STX3: variants seen among roughly 807,000 people sequenced by gnomAD.
STX3 encodes the protein syntaxin 3, also known as syntaxin-3.
Under a neutral mutation model 40.2 loss-of-function variants are expected in STX3, and 19 were observed. The observed-to-expected ratio is 0.47, with a 90% CI of 0.33 to 0.69. The LOEUF (loss-of-function observed/expected upper bound fraction) is 0.69, where lower values mean the gene tolerates loss of function less well. Among genes scored for constraint, STX3 ranks in the 30% least tolerant of loss-of-function variants. The probability of loss-of-function intolerance (pLI) is 0.02; values close to 1 mark genes in which losing one functional copy is unlikely to be tolerated. For synonymous variants in STX3, 122 were observed against 132.2 expected (o/e 0.92, Z 0.53); for missense variants, 364 against 366.7 (o/e 0.99, Z 0.06).
intron 1 of STX3, among the ~76,000 whole-genome samples, chr11:59,772,974 AACACACACACAC>A (rs3035302): frequency 5.7e-5 from 8 of 140,588 alleles, no homozygotes; most frequent in African/African-American, 2.6e-5. Flanking sequence ...CCCTGAAAGA[AACACACACACAC>A]ACACACACAC....
intron 2 of STX3, among the ~76,000 whole-genome samples, chr11:59,779,659 A>AGTGT (rs2134960470): frequency 6.6e-6 from 1 of 152,312 alleles, no homozygotes; most frequent in Admixed American, 6.5e-5. Context: ...GATGAATATC[A>AGTGT]AGTAGTCTAA....
chr11:59,798,356 T>C (rs2135041071), intron 10 of STX3, among the ~76,000 whole-genome samples: 2 of 151,642 alleles, frequency 1.3e-5, no homozygotes. Flanking sequence ...TACAGGCACA[T>C]GCCACAGCGC....
intron 2 of STX3, among the ~76,000 whole-genome samples, chr11:59,783,690 G>A (rs1864568884): frequency 6.6e-6 from 1 of 152,010 alleles, no homozygotes; most frequent in Admixed American, 6.6e-5. Context: ...TGCACAAAAG[G>A]AAACCACATG....
intron 1 of STX3, among the ~76,000 whole-genome samples, chr11:59,757,884 T>C (rs1590739847): frequency 1.3e-5 from 2 of 152,322 alleles, no homozygotes; most frequent in South Asian, 4.1e-4. Flanking sequence ...TCACCTCCTC[T>C]TATCCCCTCT....
chr11:59,767,450 G>T (rs1403372659), intron 1 of STX3, among the ~76,000 whole-genome samples: 3 of 152,190 alleles, frequency 2.0e-5, no homozygotes, highest in Non-Finnish European at 4.4e-5. Flanking sequence ...GTGGGCTGAA[G>T]ATAAGGGCAT....
At chr11:59,767,391 A>G (rs1863334436) in intron 1 of STX3, among the ~76,000 whole-genome samples, 1 of 152,168 alleles carries the variant, frequency 6.6e-6, no homozygotes. Context: ...AGATATGTTG[A>G]TTCTTTGATA....
At chr11:59,761,693 A>G (rs1449617965) in intron 1 of STX3, among the ~76,000 whole-genome samples, 1 of 152,036 alleles carries the variant, frequency 6.6e-6, no homozygotes, top group African/African-American at 2.4e-5. Context: ...TTCCATGGCA[A>G]CTTTCCCCAG....
intron 2 of STX3, among the ~76,000 whole-genome samples, chr11:59,782,998 C>CAA (rs111284922): frequency 4.0e-4 from 56 of 138,832 alleles, no homozygotes; most frequent in African/African-American, 1.3e-3. Context: ...GGCTTTGTCT[C>CAA]AAAAAAAAAA....
In STX3 at chr11:59,803,682, T is replaced by G. The variant is rs888022165; in HGVS notation, c.*2858T>G. Among the ~76,000 whole-genome samples, 1 of 152,150 alleles carries G rather than the reference T, an allele frequency of 6.6e-6. No individual in the cohort carries two copies. Among genetic ancestry groups the G allele is most frequent in the Non-Finnish European group, 1.5e-5 (1 of 68,030 alleles). On this transcript the variant is annotated 3_prime_UTR_variant, in exon 11 of 11. Coordinates refer to ENST00000337979, the MANE Select transcript of STX3 (RefSeq NM_004177.5). ...GAAGAGGGCCGGCCACACAGTAAAT[T>G]CAAATTAAATTTCTTCCCTTTCAAG...
At chr11:59,771,403 T>TCCCCCC (rs1367914976) in intron 1 of STX3, among the ~76,000 whole-genome samples, 1 of 34,698 alleles carries the variant, frequency 2.9e-5, no homozygotes. Flanking sequence ...TCCCCCCACC[T>TCCCCCC]CCCCCCCCCC....
chr11:59,797,674 C>T (rs1322854756), intron 10 of STX3, among the ~76,000 whole-genome samples: 1 of 152,188 alleles, frequency 6.6e-6, no homozygotes, highest in African/African-American at 2.4e-5. Flanking sequence ...CCTGAGCACC[C>T]CAGGTGACTC....
chr11:59,759,895 G>A (rs1002511347), intron 1 of STX3, among the ~76,000 whole-genome samples: 5 of 152,136 alleles, frequency 3.3e-5, no homozygotes, highest in East Asian at 3.8e-4. Context: ...TTATCGAGCC[G>A]CTTTTATGTG....
At position 59,790,559 on chromosome 11, in the gene STX3, G is replaced by A. The variant is rs775852415; in HGVS notation, c.330G>A (p.Ser110=). 1.2e-5 allele frequency: 19 copies of A among 1,613,940 alleles called. No homozygotes were observed. The highest frequency in any genetic ancestry group is 1.6e-4 in the Middle Eastern group (1 of 6,084). Residue 110 remains serine, a synonymous_variant, in exon 5 of 11, where the codon TCG becomes TCA. Transcript: ENST00000337979. ...TTGAAGAAGATGAGGTCAGGTCATC[G>A]GCAGACCTTCGGATTCGGAAATCCC... ...KHIEEDEVRS[S]ADLRIRKSQH... is the part of the protein sequence containing the mutation.
intron 2 of STX3, among the ~76,000 whole-genome samples, chr11:59,779,265 T>G (rs187925165): frequency 1.1e-4 from 17 of 152,364 alleles, no homozygotes; most frequent in African/African-American, 3.1e-4. Context: ...AGACCAGGAT[T>G]CCAGCATGAT....
Position 59,802,287 on chromosome 11 carries a change from C to G in STX3, c.*1463C>G. The G allele has an allele frequency of 1.0e-6, 1 of 985,440 alleles. No individual in the cohort carries two copies. The highest frequency in any genetic ancestry group is 1.2e-6 in the Non-Finnish European group (1 of 829,942). 61.0% of individuals were successfully genotyped at this position (985,440 alleles called of 1,614,324 possible). A position where few individuals can be genotyped will look rare whatever the true frequency, so the allele number is the denominator to read the frequency against. ...CTTCAAGTGTAGTGTCTGTGCTAAC[C>G]CAGTGGTAAATCCCTTAGATCCCCT... is the stretch of plus-strand genomic sequence containing the variant. On this transcript the variant is annotated 3_prime_UTR_variant, in exon 11 of 11. Coordinates refer to ENST00000337979, the MANE Select transcript of STX3 (RefSeq NM_004177.5).
intron 4 of STX3, 175 bp downstream of exon 4, chr11:59,789,122 C>A: frequency 1.8e-6 from 1 of 542,460 alleles, no homozygotes; most frequent in Non-Finnish European, 3.3e-6. Flanking sequence ...CAGAAATTTA[C>A]CTTTTCTTAA....
chr11:59,798,701 G>T (rs1157822577), intron 10 of STX3, among the ~76,000 whole-genome samples: 2 of 151,496 alleles, frequency 1.3e-5, no homozygotes, highest in African/African-American at 4.9e-5. Flanking sequence ...TGTATTTTTA[G>T]TAGAGACGAG....
At chr11:59,780,069 C>T (rs1864260435) in intron 2 of STX3, among the ~76,000 whole-genome samples, 2 of 152,180 alleles carry the variant, frequency 1.3e-5, no homozygotes, top group South Asian at 2.1e-4. Context: ...GGACCATTCC[C>T]TACTGTCCTT....
At chr11:59,777,576 TGACTAACTGTG>T (rs1864045492) in intron 2 of STX3, among the ~76,000 whole-genome samples, 1 of 152,170 alleles carries the variant, frequency 6.6e-6, no homozygotes, top group Non-Finnish European at 1.5e-5. Context: ...GGGATGCTTT[TGACTAACTGTG>T]GCTTAAGCAA....
Sources: allele counts gnomAD v4.1 joint callset (sites outside exome capture counted in the v4.1 genomes callset), GRCh38; gene constraint gnomAD v4.1.1; transcripts MANE v1.5; gene names NCBI Gene and HGNC (gene_info 2026-07-23, HGNC 2026-07-21).